The following ZDHHC21 variants were observed in gnomAD, a reference collection of about 807,000 sequenced individuals.
ZDHHC21 encodes the protein palmitoyltransferase ZDHHC21.
In ZDHHC21, 15 loss-of-function variants were observed where a neutral mutation model predicts 34.6. The ratio of observed to expected loss-of-function variants is 0.43; its 90% confidence interval spans 0.29 to 0.67. The LOEUF (loss-of-function observed/expected upper bound fraction) is 0.67, where lower values mean the gene tolerates loss of function less well. ZDHHC21 is among the 30% of genes least tolerant of loss of function. ZDHHC21 has a pLI of 0.14. For missense variants in ZDHHC21, 344 were observed against 327.7 expected, an observed-to-expected ratio of 1.05 and a Z score of -0.38; for synonymous variants, 142 against 101.8, an observed-to-expected ratio of 1.40 and a Z score of -2.38.
At chr9:14,646,937 T>C (rs1052830760) in intron 7 of ZDHHC21, among the ~76,000 whole-genome samples, 1 of 152,236 alleles carries the variant, frequency 6.6e-6, no homozygotes, top group African/African-American at 2.4e-5. Flanking sequence ...GTGCCTGGAA[T>C]GTAGAATCAG....
At chr9:14,676,071 A>G (rs1836316732) in intron 3 of ZDHHC21, among the ~76,000 whole-genome samples, 1 of 152,034 alleles carries the variant, frequency 6.6e-6, no homozygotes, top group Non-Finnish European at 1.5e-5. Context: ...ATGGAAAGCT[A>G]TTGAAGCAGG....
chr9:14,662,300 T>C lies in ZDHHC21; in HGVS notation c.280A>G (p.Lys94Glu). 6.2e-7 allele frequency: 1 copy of C among 1,610,938 alleles called. No homozygotes were observed. The highest frequency in any genetic ancestry group is 8.5e-7 in the Non-Finnish European group (1 of 1,178,916). ...GEREFWELCN[K>E]CNLMRPKRSH... is the part of the protein sequence containing the mutation. ...CGCTTTGGTCTCATCAAATTACACT[T>C]GTTACATAATTCCCAGAACTCCCTT... is the stretch of plus-strand genomic sequence containing the variant. The change falls in exon 6 of 10, where the codon AAG (lysine) becomes GAG (glutamate). Residue 94 changes from lysine to glutamate, a missense_variant. Coordinates refer to ENST00000380916, the MANE Select transcript of ZDHHC21 (RefSeq NM_178566.6).
intron 8 of ZDHHC21, among the ~76,000 whole-genome samples, chr9:14,633,267 G>T (rs1586968137): frequency 2.0e-5 from 3 of 152,162 alleles, no homozygotes. Context: ...AGCAAGGACT[G>T]ACAGGAAAGC....
At chr9:14,656,977 A>G (rs1405115879) in intron 7 of ZDHHC21, among the ~76,000 whole-genome samples, 1 of 151,926 alleles carries the variant, frequency 6.6e-6, no homozygotes, top group Non-Finnish European at 1.5e-5. Flanking sequence ...TCCAACATTC[A>G]TTATGCATGT....
At chr9:14,681,681 G>A (rs1291339872) in intron 2 of ZDHHC21, among the ~76,000 whole-genome samples, 2 of 151,940 alleles carry the variant, frequency 1.3e-5, no homozygotes, top group East Asian at 1.9e-4. Context: ...GAGAAATGAT[G>A]AGGGCACATG....
At chr9:14,663,599 G>A (rs1287703563) in intron 5 of ZDHHC21, among the ~76,000 whole-genome samples, 1 of 145,776 alleles carries the variant, frequency 6.9e-6, no homozygotes, top group East Asian at 2.0e-4. Context: ...TAGTTGAATG[G>A]TCAGGAGCAA....
chr9:14,631,945 A>C (rs886198966), intron 8 of ZDHHC21, among the ~76,000 whole-genome samples: 2 of 152,158 alleles, frequency 1.3e-5, no homozygotes, highest in Admixed American at 6.6e-5. Context: ...AAATATTACA[A>C]GAATTACCAA....
At chr9:14,667,543 A>G (rs1301837769) in intron 5 of ZDHHC21, among the ~76,000 whole-genome samples, 5 of 125,514 alleles carry the variant, frequency 4.0e-5, no homozygotes, top group Non-Finnish European at 6.7e-5. Context: ...CAGAGACACA[A>G]CCAAAAAAGA....
intron 6 of ZDHHC21, among the ~76,000 whole-genome samples, chr9:14,660,396 A>G (rs1187332429): frequency 7.0e-6 from 1 of 142,638 alleles, no homozygotes; most frequent in Non-Finnish European, 1.5e-5. Context: ...AAAAAAAAAG[A>G]ATGATCAGAG....
chr9:14,684,581 T>C (rs956769889), intron 2 of ZDHHC21, among the ~76,000 whole-genome samples: 1 of 151,754 alleles, frequency 6.6e-6, no homozygotes, highest in Non-Finnish European at 1.5e-5. Flanking sequence ...GAACATTCCA[T>C]GCTCATGGGT....
the ZDHHC21 span, chr9:14,593,594 T>G: frequency 6.6e-6 from 1 of 152,176 alleles, no homozygotes; most frequent in African/African-American, 2.4e-5. Flanking sequence ...GCTCAAGGAT[T>G]AAAGAGGAAA....
chr9:14,683,734 C>G (rs980717310), intron 2 of ZDHHC21: 2 of 152,180 alleles, frequency 1.3e-5, no homozygotes, highest in African/African-American at 4.8e-5. Flanking sequence ...CAAAGCCTGG[C>G]AGAGACGCAA....
the ZDHHC21 span, among the ~76,000 whole-genome samples, chr9:14,594,466 T>C: frequency 1.3e-5 from 2 of 152,174 alleles, no homozygotes; most frequent in East Asian, 3.9e-4. Context: ...AGACAGTCTT[T>C]TCAGCCAATG....
At chr9:14,610,126 T>C (rs189215175), downstream of ZDHHC21, among the ~76,000 whole-genome samples, 1 of 152,160 alleles carries the variant, frequency 6.6e-6, no homozygotes, top group Admixed American at 6.6e-5. Context: ...CAAATTCTCC[T>C]AGATCCTAAT....
chr9:14,627,473 C>T (rs571428074), intron 8 of ZDHHC21, among the ~76,000 whole-genome samples: 7 of 152,154 alleles, frequency 4.6e-5, no homozygotes, highest in Admixed American at 2.0e-4. Context: ...AAACCAAATG[C>T]AAAAATCACT....
the ZDHHC21 span, among the ~76,000 whole-genome samples, chr9:14,601,584 G>A: frequency 6.6e-6 from 1 of 152,208 alleles, no homozygotes; most frequent in Non-Finnish European, 1.5e-5. Context: ...GCAAGACAGT[G>A]TGGCAATTCC....
the ZDHHC21 span, among the ~76,000 whole-genome samples, chr9:14,599,777 T>C: frequency 1.6e-4 from 24 of 151,938 alleles, no homozygotes; most frequent in African/African-American, 5.3e-4. Context: ...GGGAGGGGCG[T>C]CCAGCATCAC....
At chr9:14,594,622 C>G in the ZDHHC21 span, among the ~76,000 whole-genome samples, 1 of 152,092 alleles carries the variant, frequency 6.6e-6, no homozygotes, top group Non-Finnish European at 1.5e-5. Flanking sequence ...AGATAAAAAC[C>G]TGCATGACCT....
chr9:14,627,555 C>G (rs902079046), intron 8 of ZDHHC21, among the ~76,000 whole-genome samples: 6 of 152,090 alleles, frequency 3.9e-5, no homozygotes, highest in South Asian at 2.1e-4. Context: ...TACCCCCAAC[C>G]TCACCACAAC....
Sources: gnomAD v4.1 joint callset for allele counts (sites outside exome capture counted in the v4.1 genomes callset) on GRCh38, gnomAD v4.1.1 for gene constraint, MANE v1.5 for transcripts, NCBI Gene and HGNC (gene_info 2026-07-23, HGNC 2026-07-21) for gene names.